Variants in CCDC178 observed in about 807,000 individuals in gnomAD.
The protein encoded by CCDC178 is coiled-coil domain-containing protein 178.
Under a neutral mutation model 117.4 loss-of-function variants are expected in CCDC178, and 126 were observed. The ratio of observed to expected loss-of-function variants is 1.07; its 90% CI spans 0.93 to 1.24. CCDC178 has a LOEUF of 1.24. CCDC178 is among the 50% of genes most tolerant of loss of function. The probability of loss-of-function intolerance (pLI) is 0.00; values close to 1 mark genes in which losing one functional copy is unlikely to be tolerated. For missense variants in CCDC178, 1,030 were observed against 986.9 expected, an observed-to-expected ratio of 1.04 and a Z score of -0.59; for synonymous variants, 283 against 313.4, an observed-to-expected ratio of 0.90 and a Z score of 1.02.
chr18:33,354,491 T>A (rs1237240768), intron 7 of CCDC178, among the ~76,000 whole-genome samples: 1 of 152,184 alleles, frequency 6.6e-6, no homozygotes, highest in African/African-American at 2.4e-5. Context: ...TTTCTTAGAC[T>A]AGATAATCTC....
intron 11 of CCDC178, among the ~76,000 whole-genome samples, chr18:33,307,432 G>A (rs113673786): frequency 0.045 from 6,798 of 152,264 alleles, 180 homozygotes; most frequent in East Asian, 0.13. Flanking sequence ...GAACTTGAGA[G>A]AGATGATTTA....
chr18:32,955,061 C>T (rs2054566481), intron 22 of CCDC178, among the ~76,000 whole-genome samples: 2 of 152,128 alleles, frequency 1.3e-5, no homozygotes, highest in African/African-American at 4.8e-5. Flanking sequence ...TTCCTCAGTT[C>T]CAGTCATGAA....
intron 20 of CCDC178, among the ~76,000 whole-genome samples, chr18:33,168,171 A>T (rs567046976): frequency 6.6e-6 from 1 of 152,122 alleles, no homozygotes; most frequent in Non-Finnish European, 1.5e-5. Context: ...TCCTATGTCC[A>T]GCATGGTATT....
chr18:33,325,141 T>C (rs2062567255), intron 10 of CCDC178, among the ~76,000 whole-genome samples: 1 of 151,880 alleles, frequency 6.6e-6, no homozygotes, highest in Admixed American at 6.6e-5. Context: ...GTTCCTATTA[T>C]TACAGTTTTA....
chr18:33,361,665 CA>C (rs1461119027), intron 6 of CCDC178, among the ~76,000 whole-genome samples: 26 of 151,498 alleles, frequency 1.7e-4, no homozygotes, highest in Non-Finnish European at 2.7e-4. Context: ...GACGTATCTT[CA>C]AAAAATATAT....
intron 21 of CCDC178, among the ~76,000 whole-genome samples, chr18:33,038,141 C>A (rs995947181): frequency 6.6e-6 from 1 of 151,880 alleles, no homozygotes; most frequent in African/African-American, 2.4e-5. Flanking sequence ...CCAGAGCAAA[C>A]TACTATAGAC....
rs753154893 is a variant in CCDC178, at chr18:33,266,944, T to G, written c.1381A>C (p.Asn461His). The change falls in exon 14 of 23, where the codon AAC (asparagine) becomes CAC (histidine). Residue 461 changes from asparagine to histidine, a missense_variant. Physicochemically the swap from Asn to His is moderately conservative, Grantham distance 68 (BLOSUM62 1). Coordinates refer to ENST00000383096, the MANE Select transcript of CCDC178 (RefSeq NM_001105528.4). ...EDNKKLEIDINKITVKTNESI... is the reference protein window; with the variant it reads ...EDNKKLEIDIHKITVKTNESI... Reference sequence around the variant, plus strand: ...TCATTGGTTTTTACTGTTATTTTGTTAATATCAATCTCAAGTTTTTTATTG... The same window carrying G: ...TCATTGGTTTTTACTGTTATTTTGTGAATATCAATCTCAAGTTTTTTATTG... 6.6e-5 allele frequency: 104 copies of G among 1,584,318 alleles called. No homozygotes were observed. Among genetic ancestry groups the G allele is most frequent in the Non-Finnish European group, 8.8e-5 (103 of 1,169,930 alleles).
intron 18 of CCDC178, among the ~76,000 whole-genome samples, chr18:33,221,125 ACT>A (rs2059228647): frequency 6.6e-6 from 1 of 151,828 alleles, no homozygotes; most frequent in South Asian, 2.1e-4. Context: ...AGCCTCGCGC[ACT>A]CTCAGTCATC....
chr18:33,400,882 A>G (rs1446958551), intron 3 of CCDC178, among the ~76,000 whole-genome samples: 1 of 152,196 alleles, frequency 6.6e-6, no homozygotes, highest in African/African-American at 2.4e-5. Context: ...CTTTCTCACT[A>G]AGTTTAATCA....
chr18:33,035,309 G>A (rs1321248635), intron 21 of CCDC178, among the ~76,000 whole-genome samples: 2 of 151,906 alleles, frequency 1.3e-5, no homozygotes, highest in Non-Finnish European at 2.9e-5. Flanking sequence ...CAGCATACAA[G>A]TGGAATGGTT....
chr18:33,341,421 G>T (rs1204063331), intron 9 of CCDC178, among the ~76,000 whole-genome samples: 1 of 152,150 alleles, frequency 6.6e-6, no homozygotes, highest in African/African-American at 2.4e-5. Context: ...AGACTTGGGG[G>T]ACAGTTGGGA....
chr18:33,395,045 C>G (rs2063617832), intron 4 of CCDC178, among the ~76,000 whole-genome samples: 1 of 137,598 alleles, frequency 7.3e-6, no homozygotes, highest in Non-Finnish European at 1.5e-5. Flanking sequence ...TAAAGGAGAG[C>G]AGAAACTATA....
intron 14 of CCDC178, among the ~76,000 whole-genome samples, chr18:33,248,422 T>G (rs8094881): frequency 1.4e-5 from 2 of 141,090 alleles, no homozygotes; most frequent in African/African-American, 5.3e-5. Context: ...TCCCTCCCCC[T>G]TCCCTCACCC....
At chr18:33,250,986 A>G (rs892900057) in intron 14 of CCDC178, among the ~76,000 whole-genome samples, 2 of 151,644 alleles carry the variant, frequency 1.3e-5, no homozygotes, top group African/African-American at 4.8e-5. Flanking sequence ...TGAATAAGAA[A>G]ACAATAAAAA....
chr18:33,049,433 C>T (rs1014406467), intron 21 of CCDC178, among the ~76,000 whole-genome samples: 2 of 151,990 alleles, frequency 1.3e-5, no homozygotes, highest in Non-Finnish European at 2.9e-5. Flanking sequence ...TATGTACTCC[C>T]ATATATTTAA....
chr18:33,210,065 T>C (rs1227240456), intron 20 of CCDC178, among the ~76,000 whole-genome samples: 1 of 152,084 alleles, frequency 6.6e-6, no homozygotes, highest in Non-Finnish European at 1.5e-5. Context: ...TTCTTGCTAC[T>C]AGCAGCATGT....
chr18:33,410,660 T>C (rs573534367), intron 3 of CCDC178, among the ~76,000 whole-genome samples: 1 of 152,244 alleles, frequency 6.6e-6, no homozygotes, highest in South Asian at 2.1e-4. Flanking sequence ...GTAAGTTGAT[T>C]GCAATAATAA....
chr18:33,187,239 C>T (rs2058807506), intron 20 of CCDC178, among the ~76,000 whole-genome samples: 1 of 152,034 alleles, frequency 6.6e-6, no homozygotes, highest in Non-Finnish European at 1.5e-5. Context: ...AGGTCCCTCC[C>T]TTGACATGTG....
chr18:33,211,670 A>C (rs2059109110), intron 20 of CCDC178, among the ~76,000 whole-genome samples: 1 of 151,972 alleles, frequency 6.6e-6, no homozygotes, highest in Non-Finnish European at 1.5e-5. Flanking sequence ...GTACGATAAT[A>C]AATGAGAGTA....
Sources: allele counts gnomAD v4.1 joint callset (sites outside exome capture counted in the v4.1 genomes callset), GRCh38; gene constraint gnomAD v4.1.1; transcripts MANE v1.5; gene names NCBI Gene and HGNC (gene_info 2026-07-23, HGNC 2026-07-21).